Variants in PPP1R8 observed in about 807,000 individuals in gnomAD.
The protein encoded by PPP1R8 is nuclear inhibitor of protein phosphatase 1.
PPP1R8 carries 4 observed loss-of-function variants against 31.3 expected under a neutral mutation model. That is an observed-to-expected ratio of 0.13 (90% confidence interval 0.06 to 0.29). The LOEUF (loss-of-function observed/expected upper bound fraction) is 0.29, where lower values mean the gene tolerates loss of function less well. PPP1R8 is among the 10% of genes least tolerant of loss of function. The pLI is 1.00. For missense variants in PPP1R8, 254 were observed against 440.1 expected (o/e 0.58, Z 3.78); for synonymous variants, 170 against 169.7 (o/e 1.00, Z -0.01).
chr1:27,838,615 A>T, intron 2 of PPP1R8, 84 bp from the exon 3 acceptor site: 1 of 899,218 alleles, frequency 1.1e-6, no homozygotes, highest in Non-Finnish European at 1.6e-6. Flanking sequence ...AATTTTATCT[A>T]CTCAAGATTC....
At chr1:27,845,482 C>T (rs2089269162) in intron 5 of PPP1R8, among the ~76,000 whole-genome samples, 1 of 151,722 alleles carries the variant, frequency 6.6e-6, no homozygotes, top group Non-Finnish European at 1.5e-5. Flanking sequence ...AGAGCACAGG[C>T]TCTGAAACCG....
chr1:27,843,048 TA>T, intron 4 of PPP1R8, 137 bp from the exon 5 acceptor site: 1 of 944,036 alleles, frequency 1.1e-6, no homozygotes, highest in Non-Finnish European at 1.6e-6. Context: ...GAATCTTCTC[TA>T]AATGCAGAAG....
intron 1 of PPP1R8, among the ~76,000 whole-genome samples, chr1:27,832,042 T>A (rs1320867817): frequency 6.6e-6 from 1 of 152,206 alleles, no homozygotes; most frequent in Non-Finnish European, 1.5e-5. Context: ...TGGGCCGAGA[T>A]AGCAAACATA....
chr1:27,844,884 ATTTTTTTTTTTTTTTTT>A (rs765514573), intron 5 of PPP1R8, among the ~76,000 whole-genome samples: 1 of 72,396 alleles, frequency 1.4e-5, no homozygotes, highest in African/African-American at 1.0e-4. Flanking sequence ...TGCCCGACTA[ATTTTTTTTTTTTTTTTT>A]TTTTTTTTTT....
chr1:27,841,157 G>A lies in PPP1R8; in HGVS notation c.415G>A (p.Gly139Arg). 6.2e-7 allele frequency: 1 copy of A among 1,614,208 alleles called. No homozygotes were observed. Among genetic ancestry groups the A allele is most frequent in the Non-Finnish European group, 8.5e-7 (1 of 1,180,042 alleles). ...KPQTLPSAVK[G>R]DEKMGGEDDE... is the part of the protein sequence containing the mutation. ...TCAGACATTGCCATCGGCTGTGAAAGGAGATGAGAAGATGGGTGGAGAGGA... is the reference window on the plus strand; with the variant it reads ...TCAGACATTGCCATCGGCTGTGAAAAGAGATGAGAAGATGGGTGGAGAGGA... Residue 139 changes from glycine (G) to arginine (R), a missense_variant, in exon 4 of 7, where the codon GGA becomes AGA. Gly to Arg is a moderately radical substitution (Grantham distance 125). Around this residue, in one of 6 missense-constraint regions of PPP1R8, gnomAD observed 27 missense variants for 26.7 expected, o/e 1.01. Transcript: ENST00000311772.
chr1:27,831,126 G>A (rs1389934003), intron 1 of PPP1R8: 1 of 1,326,338 alleles, frequency 7.5e-7, no homozygotes, highest in East Asian at 3.2e-5. Context: ...CGCTCACTTA[G>A]GCAGCCCCTT....
At chr1:27,844,094 C>T (rs1395471414) in intron 5 of PPP1R8, among the ~76,000 whole-genome samples, 5 of 151,794 alleles carry the variant, frequency 3.3e-5, no homozygotes, top group Admixed American at 2.6e-4. Context: ...CCTTGACCAC[C>T]CAGGCTCAGG....
chr1:27,834,166 G>A (rs1166539636), intron 2 of PPP1R8, among the ~76,000 whole-genome samples: 2 of 152,188 alleles, frequency 1.3e-5, no homozygotes, highest in Non-Finnish European at 2.9e-5. Context: ...GGGTTGCCTA[G>A]TCTTAATGAT....
At chr1:27,831,001 C>T (rs1015820857) in intron 1 of PPP1R8, 110 bp downstream of exon 1, 5 of 1,432,578 alleles carry the variant, frequency 3.5e-6, no homozygotes, top group Non-Finnish European at 4.6e-6. Flanking sequence ...TCAGAAACCC[C>T]GGAATGGTTG....
Position 27,850,482 on chromosome 1 carries a change from G to GCA in PPP1R8, c.*36_*37insCA. On this transcript the variant is annotated 3_prime_UTR_variant, in exon 7 of 7. Coordinates refer to ENST00000311772, the MANE Select transcript of PPP1R8 (RefSeq NM_014110.5). ...CATGGAGAAGGGTGGGATTGGGTGG[G>GCA]AATGGGGTGGAAGGGTGATGGGGAG... The GCA allele has an allele frequency of 5.9e-6, 3 of 511,088 alleles. No individual in the cohort carries two copies. The highest frequency in any genetic ancestry group is 1.2e-5 in the Non-Finnish European group (3 of 253,764). 31.7% of individuals were successfully genotyped at this position (511,088 alleles called of 1,614,324 possible).
chr1:27,843,066 A>C, intron 4 of PPP1R8, 120 bp from the exon 5 acceptor site: 1 of 1,166,260 alleles, frequency 8.6e-7, no homozygotes, highest in Non-Finnish European at 1.2e-6. Flanking sequence ...GAAGTGTCTC[A>C]ACTCCCTTTG....
intron 4 of PPP1R8, 84 bp downstream of exon 4, chr1:27,841,318 C>T (rs749562260): frequency 7.0e-7 from 1 of 1,434,954 alleles, no homozygotes; most frequent in Non-Finnish European, 9.6e-7. Context: ...CTGGAAATGC[C>T]AGTGACTTAG....
chr1:27,846,763 G>A (rs554779640), intron 5 of PPP1R8, among the ~76,000 whole-genome samples: 50 of 152,310 alleles, frequency 3.3e-4, no homozygotes, highest in African/African-American at 1.1e-3. Flanking sequence ...CCTGGCTCCT[G>A]TACTCTCCAC....
At position 27,851,332 on chromosome 1, in the gene PPP1R8, C is replaced by A; in HGVS notation, c.*886C>A. 1 of 306,028 alleles carries A rather than the reference C, an allele frequency of 3.3e-6. No individual in the cohort carries two copies. Among genetic ancestry groups the A allele is most frequent in the South Asian group, 2.9e-5 (1 of 35,008 alleles). The allele number at this position is 306,028 out of a possible 1,614,324, so 19.0% of individuals were successfully genotyped here. A position where few individuals can be genotyped will look rare whatever the true frequency, so the allele number is the denominator to read the frequency against. Reference sequence around the variant, plus strand: ...GATGTCAGTTTGGAGGCTCTTTCCCCCCTCAATTGAGAGCTCTTGTTATTC... The same window carrying A: ...GATGTCAGTTTGGAGGCTCTTTCCCACCTCAATTGAGAGCTCTTGTTATTC... On this transcript the variant is annotated 3_prime_UTR_variant, in exon 7 of 7. Transcript: ENST00000311772.
intron 3 of PPP1R8, among the ~76,000 whole-genome samples, chr1:27,839,607 T>C (rs1006805958): frequency 6.6e-6 from 1 of 152,100 alleles, no homozygotes; most frequent in African/African-American, 2.4e-5. Flanking sequence ...CATAATAAAT[T>C]GTGATTCTGT....
chr1:27,849,826 A>C (rs553286360), intron 6 of PPP1R8, among the ~76,000 whole-genome samples: 32 of 152,162 alleles, frequency 2.1e-4, no homozygotes, highest in Admixed American at 8.5e-4. Context: ...AAAACTCACA[A>C]CACCATCCTT....
intron 2 of PPP1R8, 104 bp downstream of exon 2, chr1:27,832,920 ACTTT>A (rs2089125566): frequency 2.1e-6 from 2 of 945,892 alleles, no homozygotes; most frequent in Non-Finnish European, 3.2e-6. Context: ...CAGCAATGCT[ACTTT>A]CTTTCATCCT....
chr1:27,845,813 G>A (rs529678999), intron 5 of PPP1R8, among the ~76,000 whole-genome samples: 24 of 104,294 alleles, frequency 2.3e-4, no homozygotes, highest in African/African-American at 1.4e-3. Flanking sequence ...TTTTTGAGAC[G>A]GAGTCTCCTT....
In PPP1R8 at chr1:27,851,316, T is replaced by C. The variant is rs2089342089; in HGVS notation, c.*870T>C. 1 of 317,114 alleles carries C rather than the reference T, an allele frequency of 3.2e-6. No individual in the cohort carries two copies. The highest frequency in any genetic ancestry group is 6.3e-6 in the Non-Finnish European group (1 of 158,632). The allele number at this position is 317,114 out of a possible 1,614,324, so 19.6% of individuals were successfully genotyped here. A position where few individuals can be genotyped will look rare whatever the true frequency, so the allele number is the denominator to read the frequency against. ...CTAAGAGGAATTTTTAGATGTCAGT[T>C]TGGAGGCTCTTTCCCCCCTCAATTG... is the stretch of plus-strand genomic sequence containing the variant. On this transcript the variant is annotated 3_prime_UTR_variant, in exon 7 of 7. Transcript: ENST00000311772.
Sources: allele counts gnomAD v4.1 joint callset (sites outside exome capture counted in the v4.1 genomes callset), GRCh38; gene constraint gnomAD v4.1.1; regional missense constraint gnomAD v4.1.1; transcripts MANE v1.5; gene names NCBI Gene and HGNC (gene_info 2026-07-23, HGNC 2026-07-21).